The following PYGB variants were observed in gnomAD, a reference collection of about 807,000 sequenced individuals.
The protein encoded by PYGB is glycogen phosphorylase B.
Under a neutral mutation model 94.3 loss-of-function variants are expected in PYGB, and 82 were observed. The ratio of observed to expected loss-of-function variants is 0.87; its 90% CI spans 0.73 to 1.04. The LOEUF (loss-of-function observed/expected upper bound fraction) is 1.04, where lower values mean the gene tolerates loss of function less well. Among genes scored for constraint, PYGB ranks in the 50% least tolerant of loss-of-function variants. The pLI, the probability that PYGB is intolerant of heterozygous loss-of-function variation, is 0.00. For synonymous variants in PYGB, 488 were observed against 479.1 expected, an observed-to-expected ratio of 1.02 and a Z score of -0.24; for missense variants, 1,132 against 1,158.2, an observed-to-expected ratio of 0.98 and a Z score of 0.33.
chr20:25,276,523 A>AG (rs147100461), intron 5 of PYGB, 123 bp from the exon 6 acceptor site: 9,706 of 718,432 alleles, frequency 0.014, 344 homozygotes, highest in African/African-American at 0.11. Flanking sequence ...TTTGGGCAGA[A>AG]GGGGGAGACG....
Position 25,276,724 on chromosome 20 carries a change from G to A in PYGB, c.739G>A (p.Ala247Thr), listed in dbSNP as rs200914374. The stretch of plus-strand genomic sequence containing the variant: ...CGTCAACACCATGCGGCTGTGGTCC[G>A]CCAAGGCTCCCAACGACTTCAAGCT... The part of the protein sequence containing the change: ...NTVNTMRLWS[A>T]KAPNDFKLQD... The change falls in exon 6 of 20, where the codon GCC becomes ACC. Residue 247 changes from alanine (A) to threonine (T), a missense_variant. Ala to Thr is a moderately conservative substitution (Grantham distance 58). Coordinates refer to ENST00000216962, the MANE Select transcript of PYGB (RefSeq NM_002862.4). 6 of 1,613,852 alleles carry A rather than the reference G, an allele frequency of 3.7e-6. No homozygotes were observed. The highest frequency in any genetic ancestry group is 2.7e-5 in the African/African-American group (2 of 74,892).
intron 14 of PYGB, among the ~76,000 whole-genome samples, chr20:25,286,554 C>CTGGA (rs2123588433): frequency 6.6e-6 from 1 of 152,240 alleles, no homozygotes; most frequent in East Asian, 1.9e-4. Context: ...TTGGTGTGAG[C>CTGGA]TGGATCACCT....
intron 12 of PYGB, 34 bp from the exon 13 acceptor site, chr20:25,283,142 G>A (rs1600736600): frequency 1.3e-6 from 2 of 1,565,016 alleles, no homozygotes; most frequent in Non-Finnish European, 8.8e-7. Flanking sequence ...AGGAGGCTGA[G>A]GCCCACAGTG....
intron 11 of PYGB, 47 bp from the exon 12 acceptor site, chr20:25,281,986 T>G: frequency 6.7e-7 from 1 of 1,496,996 alleles, no homozygotes; most frequent in South Asian, 1.1e-5. Context: ...GCTCACCTGG[T>G]GCAGGGCACA....
Position 25,292,545 on chromosome 20 carries a change from G to A in PYGB, c.2109G>A (p.Glu703=), listed in dbSNP as rs768080084. 2.5e-6 allele frequency: 4 copies of A among 1,613,266 alleles called. No homozygotes were observed. The highest frequency in any genetic ancestry group is 3.3e-5 in the Admixed American group (2 of 60,008). The change falls in exon 17 of 20, where the codon GAG becomes GAA. Residue 703 remains glutamate (E), a synonymous_variant. Coordinates refer to ENST00000216962, the MANE Select transcript of PYGB (RefSeq NM_002862.4). ...MDGANVEMAE[E]AGAENLFIFG... is the part of the protein sequence containing the mutation. ...GCGCCAACGTGGAGATGGCCGAGGA[G>A]GCCGGGGCCGAGAACCTCTTCATCT...
chr20:25,274,255 T>C (rs958595718), intron 4 of PYGB, among the ~76,000 whole-genome samples: 1 of 152,238 alleles, frequency 6.6e-6, no homozygotes, highest in Non-Finnish European at 1.5e-5. Flanking sequence ...GTAAATAGCC[T>C]CGTGTGATGC....
chr20:25,266,043 G>A (rs896671790), intron 2 of PYGB, among the ~76,000 whole-genome samples: 10 of 151,910 alleles, frequency 6.6e-5, no homozygotes, highest in African/African-American at 2.4e-4. Context: ...TAAAGATGAG[G>A]TTTCACCATG....
At chr20:25,268,161 G>GCCCCCGCC (rs1555806060) in intron 2 of PYGB, among the ~76,000 whole-genome samples, 1 of 62,038 alleles carries the variant, frequency 1.6e-5, no homozygotes, top group South Asian at 7.8e-4. Flanking sequence ...CCTAGCACCC[G>GCCCCCGCC]CCCCCCCCCC....
chr20:25,276,490 C>A (rs1315782877), intron 5 of PYGB, among the ~76,000 whole-genome samples, 156 bp from the exon 6 acceptor site: 1 of 149,812 alleles, frequency 6.7e-6, no homozygotes, highest in African/African-American at 2.5e-5. Context: ...ACTGTGGTGC[C>A]GAGCATGGGC....
At chr20:25,259,101 G>A (rs1415603651) in intron 1 of PYGB, 136 bp from the exon 2 acceptor site, 4 of 769,290 alleles carry the variant, frequency 5.2e-6, no homozygotes, top group South Asian at 1.9e-5. Context: ...GACAGAGCAA[G>A]CCCAGTTTTT....
intron 2 of PYGB, among the ~76,000 whole-genome samples, chr20:25,268,615 G>T (rs185481564): frequency 6.6e-6 from 1 of 152,116 alleles, no homozygotes; most frequent in Admixed American, 6.5e-5. Context: ...TGTCAAGTTC[G>T]TGCACTAAAG....
intron 14 of PYGB, among the ~76,000 whole-genome samples, chr20:25,286,256 T>A (rs2088417258): frequency 6.6e-6 from 1 of 152,234 alleles, no homozygotes; most frequent in South Asian, 2.1e-4. Flanking sequence ...GGCTGCAGTG[T>A]GGCGTGAGGT....
At chr20:25,261,682 G>A (rs377306554) in intron 2 of PYGB, among the ~76,000 whole-genome samples, 8 of 152,184 alleles carry the variant, frequency 5.3e-5, no homozygotes, top group African/African-American at 1.7e-4. Flanking sequence ...AAACTTCTCC[G>A]AGCTAAAGGA....
rs778260504 is a variant in PYGB at position 25,248,407 on chromosome 20, G to A, written c.229G>A (p.Glu77Lys). Residue 77 changes from glutamate (E) to lysine (K), a missense_variant, in exon 1 of 20, where the codon GAG becomes AAG. Physicochemically the swap from Glu to Lys is moderately conservative, Grantham distance 56. Coordinates refer to ENST00000216962, the MANE Select transcript of PYGB (RefSeq NM_002862.4). ...GATCCGCACGCAGCAGCACTACTAC[G>A]AGCGCGACCCCAAGGTGAGGCGCTG... Reference protein sequence around the residue: ...RWIRTQQHYYERDPKRIYYLS... With the variant: ...RWIRTQQHYYKRDPKRIYYLS... 4.5e-6 allele frequency: 7 copies of A among 1,547,670 alleles called. No individual in the cohort carries two copies. Among genetic ancestry groups the A allele is most frequent in the Admixed American group, 1.9e-5 (1 of 52,550 alleles).
intron 15 of PYGB, 112 bp from the exon 16 acceptor site, chr20:25,290,369 C>G (rs961042891): frequency 2.2e-6 from 3 of 1,384,110 alleles, no homozygotes; most frequent in Non-Finnish European, 3.0e-6. Context: ...GTCCCGACGG[C>G]AGGTTCCTGT....
In PYGB at chr20:25,281,999, ATT is replaced by A. The variant is rs768841593; in HGVS notation, c.1404-32_1404-31del. 3.2e-6 allele frequency: 5 copies of A among 1,547,744 alleles called. No individual in the cohort carries two copies. The South Asian group carries it at 5.6e-5, about 17-fold the overall frequency. On this transcript the variant is annotated intron_variant, in intron 11 of 19. Transcript: ENST00000216962. The stretch of plus-strand genomic sequence containing the variant: ...TTGCTCACCTGGTGCAGGGCACAGC[ATT>A]TGTGACAGTTCCCTGTTCTCTGTGT...
At chr20:25,268,599 G>A (rs2088239739) in intron 2 of PYGB, among the ~76,000 whole-genome samples, 2 of 152,162 alleles carry the variant, frequency 1.3e-5, no homozygotes, top group African/African-American at 4.8e-5. Flanking sequence ...GGTAATGTGA[G>A]CAATTTGTCA....
chr20:25,277,718 G>A (rs932586868), intron 7 of PYGB, among the ~76,000 whole-genome samples: 8 of 152,228 alleles, frequency 5.3e-5, no homozygotes, highest in African/African-American at 1.7e-4. Flanking sequence ...CTGTCCAGGG[G>A]ACCGTAGCGC....
chr20:25,272,117 C>A (rs976114974), intron 4 of PYGB, among the ~76,000 whole-genome samples: 1 of 152,146 alleles, frequency 6.6e-6, no homozygotes, highest in Non-Finnish European at 1.5e-5. Flanking sequence ...TCCTCCCTGG[C>A]GAGCAGCTCC....
Sources: allele counts gnomAD v4.1 joint callset (sites outside exome capture counted in the v4.1 genomes callset), GRCh38; gene constraint gnomAD v4.1.1; transcripts MANE v1.5; gene names NCBI Gene and HGNC (gene_info 2026-07-23, HGNC 2026-07-21).